HMCN1: variants seen among roughly 807,000 people sequenced by gnomAD.
The protein encoded by HMCN1 is hemicentin-1.
HMCN1 carries 321 observed loss-of-function variants against 625.9 expected under a neutral mutation model. That is an observed-to-expected ratio of 0.51 (90% CI 0.47 to 0.56). The LOEUF (loss-of-function observed/expected upper bound fraction) is 0.56. HMCN1 is among the 20% of genes least tolerant of loss of function. The pLI, the probability that HMCN1 is intolerant of heterozygous loss-of-function variation, is 0.00. For missense variants in HMCN1, 6,588 were observed against 6,887.3 expected, an observed-to-expected ratio of 0.96 and a Z score of 1.54; for synonymous variants, 2,425 against 2,417.6, an observed-to-expected ratio of 1.00 and a Z score of -0.09.
chr1:186,074,792 CAAAT>C lies in HMCN1; in HGVS notation c.8195_8198del (p.Ile2732ArgfsTer14). The C allele has an allele frequency of 6.2e-7, 1 of 1,612,844 alleles. No individual in the cohort carries two copies. On this transcript the variant is annotated frameshift_variant, in exon 53 of 107. Coordinates refer to ENST00000271588, the MANE Select transcript of HMCN1 (RefSeq NM_031935.3). LOFTEE classifies it high-confidence loss of function. The stretch of plus-strand genomic sequence containing the variant: ...TATTGCTGCGAATGGACACACACTT[CAAAT>C]AAAGGAGGCTCAAATATCAGACACC...
At chr1:186,047,493 T>C (rs1656654454) in intron 41 of HMCN1, among the ~76,000 whole-genome samples, 1 of 152,142 alleles carries the variant, frequency 6.6e-6, no homozygotes, top group Non-Finnish European at 1.5e-5. Context: ...CAGTTAAAAG[T>C]ATCTTACCTA....
intron 71 of HMCN1, among the ~76,000 whole-genome samples, chr1:186,110,974 A>ATTTTTT (rs778503338): frequency 3.3e-5 from 2 of 59,952 alleles, no homozygotes; most frequent in African/African-American, 3.1e-4. Flanking sequence ...ACCAGAGAAA[A>ATTTTTT]TTCTTTTTTT....
intron 36 of HMCN1, 40 bp from the exon 37 acceptor site, chr1:186,037,894 C>A: frequency 8.6e-7 from 1 of 1,164,432 alleles, no homozygotes; most frequent in Non-Finnish European, 1.3e-6. Context: ...CTTAAATATT[C>A]TACTTATAAG....
intron 4 of HMCN1, among the ~76,000 whole-genome samples, chr1:185,894,754 G>A (rs1473724777): frequency 6.6e-6 from 1 of 152,092 alleles, no homozygotes; most frequent in Non-Finnish European, 1.5e-5. Flanking sequence ...TTCCAACAAA[G>A]ATTTTGGATT....
chr1:186,131,470 T>G, intron 85 of HMCN1, among the ~76,000 whole-genome samples: 1 of 152,154 alleles, frequency 6.6e-6, no homozygotes, highest in East Asian at 1.9e-4. Context: ...TAATACTAAT[T>G]TTTTTCATCA....
chr1:185,991,559 T>C (rs1377208370), intron 22 of HMCN1, among the ~76,000 whole-genome samples: 1 of 152,204 alleles, frequency 6.6e-6, no homozygotes, highest in Non-Finnish European at 1.5e-5. Context: ...AAATGGTATA[T>C]TATTATTTTG....
At position 186,166,239 on chromosome 1, in the gene HMCN1, G is replaced by A. The variant is rs772975356; in HGVS notation, c.15375G>A (p.Met5125Ile). 5 of 1,614,070 alleles carry A rather than the reference G, an allele frequency of 3.1e-6. No homozygotes were observed. Among genetic ancestry groups the A allele is most frequent in the Non-Finnish European group, 4.2e-6 (5 of 1,179,972 alleles). Residue 5125 changes from methionine (M) to isoleucine (I), a missense_variant, in exon 99 of 107, where the codon ATG becomes ATA. Met to Ile is a conservative substitution (Grantham distance 10). Transcript: ENST00000271588. ...NPCSHSCHNAMGTYYCSCPKG... is the reference protein window; with the variant it reads ...NPCSHSCHNAIGTYYCSCPKG... ...GCTCCCATAGCTGCCACAATGCCAT[G>A]GGGACTTACTACTGCTCCTGCCCTA...
At chr1:185,862,275 A>C (rs1379316923) in intron 2 of HMCN1, among the ~76,000 whole-genome samples, 1 of 152,136 alleles carries the variant, frequency 6.6e-6, no homozygotes, top group Non-Finnish European at 1.5e-5. Flanking sequence ...AGGCAAAATA[A>C]AGTTAAGTGG....
At position 186,151,312 on chromosome 1, in the gene HMCN1, A is replaced by G. The variant is rs967190127; in HGVS notation, c.14721A>G (p.Ile4907Met). The change falls in exon 94 of 107, where the codon ATA (isoleucine) becomes ATG (methionine). Residue 4907 changes from isoleucine (I) to methionine (M), a missense_variant. Around this residue, in one of 3 missense-constraint regions of HMCN1, gnomAD observed 1,954 missense variants for 2,013.1 expected, o/e 0.97. Coordinates refer to ENST00000271588, the MANE Select transcript of HMCN1 (RefSeq NM_031935.3). ...ITDSPNSDTRIIRAKITNVPR... is the reference protein window; with the variant it reads ...ITDSPNSDTRMIRAKITNVPR... ...ATAGCCCTAACTCTGATACTAGAAT[A>G]ATACGTGCCAAAATTACCAATGTAC... 3.7e-6 allele frequency: 6 copies of G among 1,613,830 alleles called. No individual in the cohort carries two copies. The highest frequency in any genetic ancestry group is 5.1e-6 in the Non-Finnish European group (6 of 1,179,746).
At chr1:186,017,945 T>C (rs969328543) in intron 33 of HMCN1, among the ~76,000 whole-genome samples, 9 of 152,052 alleles carry the variant, frequency 5.9e-5, no homozygotes, top group African/African-American at 1.9e-4. Flanking sequence ...TCTCCCTTTT[T>C]TGTAGCCTAA....
rs1473563507 is a variant in HMCN1, at chr1:186,136,890, G to T, written c.13535G>T (p.Arg4512Leu). The change falls in exon 87 of 107, where the codon CGA becomes CTA. Residue 4512 changes from arginine to leucine, a missense_variant. Physicochemically the swap from Arg to Leu is moderately radical, Grantham distance 102. Around this residue, in one of 3 missense-constraint regions of HMCN1, gnomAD observed 1,954 missense variants for 2,013.1 expected, o/e 0.97. Transcript: ENST00000271588. ...EDTSEFECVA[R>L]NLMGSVLVRV... ...ACCTCTGAATTTGAATGTGTTGCTCGAAACTTAATGGGTTCTGTCCTTGTC... is the reference window on the plus strand; with the variant it reads ...ACCTCTGAATTTGAATGTGTTGCTCTAAACTTAATGGGTTCTGTCCTTGTC... 1 of 1,613,954 alleles carries T rather than the reference G, an allele frequency of 6.2e-7. No individual in the cohort carries two copies. Among genetic ancestry groups the T allele is most frequent in the Admixed American group, 1.7e-5 (1 of 59,994 alleles).
chr1:185,999,262 T>C (rs1200706571), intron 25 of HMCN1, among the ~76,000 whole-genome samples: 2 of 152,056 alleles, frequency 1.3e-5, no homozygotes, highest in African/African-American at 4.8e-5. Context: ...GGAGATTAAA[T>C]AATTTTTTTA....
chr1:185,741,105 C>T (rs1283536432), intron 1 of HMCN1, among the ~76,000 whole-genome samples: 2 of 152,178 alleles, frequency 1.3e-5, no homozygotes, highest in African/African-American at 2.4e-5. Flanking sequence ...CAATGCCCCA[C>T]CTCCCTTCCA....
intron 97 of HMCN1, 53 bp from the exon 98 acceptor site, chr1:186,165,058 C>T: frequency 6.6e-7 from 1 of 1,503,936 alleles, no homozygotes; most frequent in East Asian, 2.3e-5. Flanking sequence ...GGAAAGAAGC[C>T]AGGGGCAACT....
chr1:185,947,479 T>C (rs559232967), intron 11 of HMCN1, among the ~76,000 whole-genome samples: 6 of 152,252 alleles, frequency 3.9e-5, no homozygotes, highest in Non-Finnish European at 7.3e-5. Flanking sequence ...GGAAACTTAC[T>C]GCAACTGCCA....
At chr1:185,864,391 C>A in intron 2 of HMCN1, 79 bp from the exon 3 acceptor site, 1 of 1,392,276 alleles carries the variant, frequency 7.2e-7, no homozygotes, top group Non-Finnish European at 1.0e-6. Context: ...TTCTAAAACT[C>A]CCAAAGCACC....
At chr1:186,078,297 C>A in intron 55 of HMCN1, 77 bp downstream of exon 55, 1 of 1,004,206 alleles carries the variant, frequency 1.0e-6, no homozygotes, top group Non-Finnish European at 1.6e-6. Context: ...CAGGATGTTA[C>A]ACTAAGCGCT....
intron 36 of HMCN1, among the ~76,000 whole-genome samples, chr1:186,028,691 G>A (rs1655217416): frequency 6.7e-6 from 1 of 149,878 alleles, no homozygotes; most frequent in Non-Finnish European, 1.5e-5. Context: ...TCCTCTTTTA[G>A]TTACTGAGTT....
At chr1:185,741,413 G>A (rs1489702584) in intron 1 of HMCN1, among the ~76,000 whole-genome samples, 5 of 152,180 alleles carry the variant, frequency 3.3e-5, no homozygotes, top group Non-Finnish European at 7.3e-5. Flanking sequence ...CTCAAGTAGA[G>A]ATAAGAAGAT....
Sources: allele counts gnomAD v4.1 joint callset (sites outside exome capture counted in the v4.1 genomes callset), GRCh38; gene constraint gnomAD v4.1.1; regional missense constraint gnomAD v4.1.1; transcripts MANE v1.5; gene names NCBI Gene and HGNC (gene_info 2026-07-23, HGNC 2026-07-21).